The following BZW1 variants were observed in gnomAD, a reference collection of about 807,000 sequenced individuals.
BZW1 encodes the protein eIF5-mimic protein 2.
In BZW1, 3 loss-of-function variants were observed where a neutral mutation model predicts 54.1. That is an observed-to-expected ratio of 0.06 (90% CI 0.03 to 0.14). The LOEUF is 0.14. Ranked by LOEUF, BZW1 falls within the 10% of genes least tolerant of loss-of-function variation. The pLI, the probability that BZW1 is intolerant of heterozygous loss-of-function variation, is 1.00. For missense variants in BZW1, 206 were observed against 491.7 expected, an observed-to-expected ratio of 0.42 and a Z score of 5.50; for synonymous variants, 152 against 162.7, an observed-to-expected ratio of 0.93 and a Z score of 0.50.
At chr2:200,816,102 G>A (rs1263734028) in intron 4 of BZW1, among the ~76,000 whole-genome samples, 1 of 152,190 alleles carries the variant, frequency 6.6e-6, no homozygotes, top group Admixed American at 6.5e-5. Context: ...GAGCTGATTA[G>A]CTTGTTAATC....
chr2:200,824,646 A>G lies in BZW1; in HGVS notation c.*2468A>G, dbSNP rs1225291818. On this transcript the variant is annotated 3_prime_UTR_variant, in exon 12 of 12. Coordinates refer to ENST00000409600, the MANE Select transcript of BZW1 (RefSeq NM_001207067.2). The stretch of plus-strand genomic sequence containing the variant: ...TTCAGTTTTTCAAAAGCTTTTTTCC[A>G]TTATCATACCCCCAGCCTTTTTAGG... The G allele has an allele frequency of 2.0e-5, 3 of 146,980 alleles. No individual in the cohort carries two copies. The highest frequency in any genetic ancestry group is 7.5e-5 in the African/African-American group (3 of 39,778). 9.1% of individuals were successfully genotyped at this position (146,980 alleles called of 1,614,324 possible).
At position 200,824,150 on chromosome 2, in the gene BZW1, T is replaced by C. The variant is rs1170356616; in HGVS notation, c.*1972T>C. On this transcript the variant is annotated 3_prime_UTR_variant, in exon 12 of 12. Coordinates refer to ENST00000409600, the MANE Select transcript of BZW1 (RefSeq NM_001207067.2). Reference sequence around the variant, plus strand: ...GTTTCTTCATAATGACACTGTAGTGTTTACTTAGTAGAACATTATAGTAAG... The same window carrying C: ...GTTTCTTCATAATGACACTGTAGTGCTTACTTAGTAGAACATTATAGTAAG... The C allele has an allele frequency of 1.3e-5, 2 of 152,208 alleles. No individual in the cohort carries two copies. The highest frequency in any genetic ancestry group is 2.9e-5 in the Non-Finnish European group (2 of 68,024). The allele number at this position is 152,208 out of a possible 1,614,324, so 9.4% of individuals were successfully genotyped here.
At chr2:200,812,282 A>T in intron 1 of BZW1, 22 of 1,232,444 alleles carry the variant, frequency 1.8e-5, no homozygotes, top group Non-Finnish European at 2.2e-5. Context: ...CCTGGCTAAC[A>T]AAGCCGCCGC....
chr2:200,812,427 C>A, intron 1 of BZW1: 1 of 1,285,894 alleles, frequency 7.8e-7, no homozygotes, highest in Non-Finnish European at 9.8e-7. Context: ...GCGCCTGGGG[C>A]CCCGGCGCAA....
Position 200,824,364 on chromosome 2 carries a change from A to G in BZW1, c.*2186A>G, listed in dbSNP as rs2038635024. On this transcript the variant is annotated 3_prime_UTR_variant, in exon 12 of 12. Coordinates refer to ENST00000409600, the MANE Select transcript of BZW1 (RefSeq NM_001207067.2). ...TAGATGTTAAATTGTACTTTTAATT[A>G]TGATTGGATAAATGTTTTTTCTAAC... 1 of 152,166 alleles carries G rather than the reference A, an allele frequency of 6.6e-6. No homozygotes were observed. Among genetic ancestry groups the G allele is most frequent in the Admixed American group, 6.5e-5 (1 of 15,276 alleles). 9.4% of individuals were successfully genotyped at this position (152,166 alleles called of 1,614,324 possible).
intron 5 of BZW1, among the ~76,000 whole-genome samples, 175 bp from the exon 6 acceptor site, chr2:200,816,930 GT>G (rs2038317722): frequency 1.3e-5 from 2 of 152,318 alleles, no homozygotes; most frequent in African/African-American, 4.8e-5. Flanking sequence ...AGGTGCAGAG[GT>G]TAAGTAACTT....
At position 200,821,193 on chromosome 2, in the gene BZW1, G is replaced by C; in HGVS notation, c.1116G>C (p.Leu372=). Reference sequence around the variant, plus strand: ...GAGTTTTCTTTCCAGCTGAAGTCCTGAGCGAGGAGCCCATTTTGAAGTGGT... The same window carrying C: ...GAGTTTTCTTTCCAGCTGAAGTCCTCAGCGAGGAGCCCATTTTGAAGTGGT... The part of the protein sequence containing the change: ...IVVLFYKAEV[L]SEEPILKWYK... The change falls in exon 11 of 12, where the codon CTG becomes CTC. Residue 372 remains leucine (L), a synonymous_variant. Transcript: ENST00000409600. 2 of 1,611,608 alleles carry C rather than the reference G, an allele frequency of 1.2e-6. No homozygotes were observed. The highest frequency in any genetic ancestry group is 1.7e-6 in the Non-Finnish European group (2 of 1,179,576).
chr2:200,812,250 G>T, intron 1 of BZW1: 1 of 1,229,730 alleles, frequency 8.1e-7, no homozygotes. Context: ...GCCGAGGCGG[G>T]CTCCCTCTGG....
At chr2:200,815,628 T>G (rs763081180) in intron 3 of BZW1, 39 bp from the exon 4 acceptor site, 1 of 1,583,200 alleles carries the variant, frequency 6.3e-7, no homozygotes, top group African/African-American at 1.3e-5. Context: ...TGGAGTGATT[T>G]TTTTGGTTTT....
chr2:200,820,484 G>A (rs1056140742), intron 10 of BZW1, among the ~76,000 whole-genome samples: 10 of 152,010 alleles, frequency 6.6e-5, no homozygotes, highest in South Asian at 2.1e-4. Flanking sequence ...GTTCAAGACC[G>A]GCCTGGACTG....
chr2:200,820,212 T>C, intron 10 of BZW1, 92 bp downstream of exon 10: 1 of 1,173,214 alleles, frequency 8.5e-7, no homozygotes, highest in Non-Finnish European at 1.2e-6. Context: ...GGACATCAGC[T>C]CCCTGAAATA....
chr2:200,812,785 T>G (rs557845260), intron 1 of BZW1: 1 of 701,938 alleles, frequency 1.4e-6, no homozygotes, highest in South Asian at 1.5e-5. Flanking sequence ...GGGGTTCACC[T>G]TTTGACAGTG....
In BZW1 at chr2:200,826,407, A is replaced by AGATAGATAGATAGATAGAT. The variant is rs1559318394; in HGVS notation, c.*4229_*4230insGATAGATAGATAGATAGAT. On this transcript the variant is annotated 3_prime_UTR_variant, in exon 12 of 12. Transcript: ENST00000409600. ...TAGATAGATAGATAGATAGATAGAT[A>AGATAGATAGATAGATAGAT]TTTTTTTTTTTTTTTTTTTTTTTTT... 4 of 54,948 alleles carry AGATAGATAGATAGATAGAT rather than the reference A, an allele frequency of 7.3e-5. No homozygotes were observed. Among genetic ancestry groups the AGATAGATAGATAGATAGAT allele is most frequent in the South Asian group, 5.3e-4 (1 of 1,890 alleles). 3.4% of individuals were successfully genotyped at this position (54,948 alleles called of 1,614,324 possible).
chr2:200,812,573 T>A, intron 1 of BZW1: 4 of 1,409,972 alleles, frequency 2.8e-6, no homozygotes, highest in Non-Finnish European at 3.7e-6. Context: ...GGGTGATCTG[T>A]GGCTCGGGCG....
At chr2:200,819,609 G>A (rs2038432517) in intron 9 of BZW1, among the ~76,000 whole-genome samples, 1 of 149,458 alleles carries the variant, frequency 6.7e-6, no homozygotes, top group Non-Finnish European at 1.5e-5. Context: ...CACCCAGGCT[G>A]GAGTGCAGTG....
At position 200,822,172 on chromosome 2, in the gene BZW1, T is replaced by G. The variant is rs2038552158; in HGVS notation, c.1254T>G (p.Gly418=). ...EEESESEAEE[G]D ...AATCTGAATCTGAAGCTGAAGAAGG[T>G]GACTGAATTTTGAAACTACACCCTC... The change falls in exon 12 of 12, where the codon GGT becomes GGG. Residue 418 remains glycine (G), a synonymous_variant. Transcript: ENST00000409600. 6.2e-7 allele frequency: 1 copy of G among 1,604,448 alleles called. No individual in the cohort carries two copies. Among genetic ancestry groups the G allele is most frequent in the Non-Finnish European group, 8.5e-7 (1 of 1,174,598 alleles).
intron 5 of BZW1, 147 bp downstream of exon 5, chr2:200,816,537 C>CT: frequency 2.0e-6 from 1 of 503,706 alleles, no homozygotes; most frequent in Non-Finnish European, 3.4e-6. Context: ...GTGTCCCAGG[C>CT]TGGGGGTGCA....
At position 200,821,376 on chromosome 2, in the gene BZW1, A is replaced by G; in HGVS notation, c.1228+71A>G. ...ATGTGGCCATAATATATCTTCACAC[A>G]TGCTTCCTTCTTTCTGATGCCATTT... On this transcript the variant is annotated intron_variant, in intron 11 of 11. Transcript: ENST00000409600. 3 of 1,560,754 alleles carry G rather than the reference A, an allele frequency of 1.9e-6. No homozygotes were observed. In the Admixed American group the frequency reaches 5.4e-5, roughly 28 times the overall value.
chr2:200,818,151 A>C (rs2038361878), intron 7 of BZW1, 68 bp downstream of exon 7: 1 of 1,511,678 alleles, frequency 6.6e-7, no homozygotes, highest in East Asian at 2.5e-5. Flanking sequence ...TCTCATTTTT[A>C]AGACTGTGAA....
Sources: gnomAD v4.1 joint callset for allele counts (sites outside exome capture counted in the v4.1 genomes callset) on GRCh38, gnomAD v4.1.1 for gene constraint, MANE v1.5 for transcripts, NCBI Gene and HGNC (gene_info 2026-07-23, HGNC 2026-07-21) for gene names.